The following RNF212 variants were observed in gnomAD, a reference collection of about 807,000 sequenced individuals.
RNF212 encodes the protein ring finger protein 212.
RNF212 carries 33 observed loss-of-function variants against 34.7 expected under a neutral mutation model. The ratio of observed to expected loss-of-function variants is 0.95; its 90% CI spans 0.72 to 1.27. The LOEUF is 1.27. Among genes scored for constraint, RNF212 ranks in the 50% most tolerant of loss-of-function variants. RNF212 has a pLI of 0.00. For synonymous variants in RNF212, 140 were observed against 136.1 expected (o/e 1.03, Z -0.20); for missense variants, 377 against 362.2 (o/e 1.04, Z -0.33).
At chr4:1,059,599 T>C (rs997399506) in intron 3 of RNF212, among the ~76,000 whole-genome samples, 1 of 152,200 alleles carries the variant, frequency 6.6e-6, no homozygotes, top group African/African-American at 2.4e-5. Flanking sequence ...ACCAAGGTGC[T>C]AGGTCTCCCC....
In RNF212 at chr4:1,081,627, G is replaced by A. The variant is rs140555209; in HGVS notation, c.363-8C>T. 3.6e-5 allele frequency: 58 copies of A among 1,595,836 alleles called. 1 individual carries two copies. The East Asian group carries it at 1.3e-3, about 36-fold the overall frequency. On this transcript the variant is annotated splice_polypyrimidine_tract_variant and splice_region_variant and intron_variant, in intron 5 of 9. Coordinates refer to ENST00000433731, the MANE Select transcript of RNF212 (RefSeq NM_001131034.4). ...TGTTGTGATGATCTCATACTAAATA[G>A]ATGGAGAAAAGGTATTGAATTAAAT... is the stretch of plus-strand genomic sequence containing the variant.
At chr4:1,103,933 C>T (rs1436496045) in intron 2 of RNF212, among the ~76,000 whole-genome samples, 4 of 152,196 alleles carry the variant, frequency 2.6e-5, no homozygotes, top group East Asian at 3.8e-4. Context: ...AGATCTAAAG[C>T]GTCCTTATTC....
At chr4:1,093,176 C>T (rs1283731529) in intron 3 of RNF212, 3 of 235,784 alleles carry the variant, frequency 1.3e-5, no homozygotes, top group Non-Finnish European at 2.4e-5. Context: ...GGTCCTGAGG[C>T]CTGAGCCTTG....
intron 3 of RNF212, chr4:1,094,112 A>T: frequency 2.9e-6 from 4 of 1,386,252 alleles, no homozygotes; most frequent in Non-Finnish European, 3.8e-6. Flanking sequence ...CAAGCCCATG[A>T]AGGAGAGTGC....
At chr4:1,056,830 G>T in intron 4 of RNF212, 1 of 987,484 alleles carries the variant, frequency 1.0e-6, no homozygotes, top group Non-Finnish European at 1.2e-6. Flanking sequence ...GGCTGGCTGA[G>T]CACTTGCCTA....
chr4:1,094,859 C>G (rs976795012), intron 3 of RNF212, among the ~76,000 whole-genome samples: 1 of 152,166 alleles, frequency 6.6e-6, no homozygotes, highest in East Asian at 1.9e-4. Context: ...ACTGAGACCA[C>G]TTTGTCTCAA....
chr4:1,090,918 TG>T, intron 3 of RNF212, 80 bp from the exon 4 acceptor site: 1 of 880,858 alleles, frequency 1.1e-6, no homozygotes. Flanking sequence ...AGGAGGAGGC[TG>T]GAGGGACTCT....
At chr4:1,084,726 C>CAAAAA (rs34470931) in intron 5 of RNF212, among the ~76,000 whole-genome samples, 1 of 60,452 alleles carries the variant, frequency 1.7e-5, no homozygotes, top group Non-Finnish European at 3.0e-5. Context: ...GACCCTGTCT[C>CAAAAA]AAAAAAAAAA....
intron 5 of RNF212, among the ~76,000 whole-genome samples, chr4:1,083,730 A>G (rs1032876946): frequency 6.6e-6 from 1 of 152,208 alleles, no homozygotes; most frequent in Admixed American, 6.5e-5. Context: ...GAAGCAACCC[A>G]GCATGTGACC....
chr4:1,101,299 ATTGTT>A (rs1198593921), intron 2 of RNF212: 6 of 329,580 alleles, frequency 1.8e-5, no homozygotes, highest in African/African-American at 8.7e-5. Flanking sequence ...CCATAATTGT[ATTGTT>A]TTATTATTGG....
At chr4:1,097,995 G>A (rs1035520882) in intron 2 of RNF212, among the ~76,000 whole-genome samples, 1 of 152,026 alleles carries the variant, frequency 6.6e-6, no homozygotes, top group African/African-American at 2.4e-5. Flanking sequence ...AACCCGGGAG[G>A]TGGAGGTTGC....
At chr4:1,064,413 C>T (rs557272328) in intron 3 of RNF212, among the ~76,000 whole-genome samples, 31 of 152,248 alleles carry the variant, frequency 2.0e-4, no homozygotes, top group Non-Finnish European at 2.1e-4. Context: ...AGAACTAAAA[C>T]GTGTATTAGT....
At chr4:1,078,265 C>T (rs1310582056) in intron 8 of RNF212, among the ~76,000 whole-genome samples, 1 of 152,220 alleles carries the variant, frequency 6.6e-6, no homozygotes, top group Non-Finnish European at 1.5e-5. Flanking sequence ...GTTTTCCTGC[C>T]TTTGCTCCTC....
Position 1,113,521 on chromosome 4 carries a change from G to C in RNF212, c.-57C>G. ...GCCCACGCGAAGCCCACGCAAGGTT[G>C]GGACCAGCCTCCCCGCGCAGGGCCC... is the stretch of plus-strand genomic sequence containing the variant. On this transcript the variant is annotated 5_prime_UTR_variant, in exon 1 of 10. Transcript: ENST00000433731. 2 of 1,444,482 alleles carry C rather than the reference G, an allele frequency of 1.4e-6. No individual in the cohort carries two copies. Among genetic ancestry groups the C allele is most frequent in the South Asian group, 1.2e-5 (1 of 83,586 alleles). The allele number at this position is 1,444,482 out of a possible 1,614,324, so 89.5% of individuals were successfully genotyped here.
chr4:1,085,452 C>T (rs749926314), intron 5 of RNF212, among the ~76,000 whole-genome samples: 14 of 152,246 alleles, frequency 9.2e-5, no homozygotes, highest in Non-Finnish European at 1.8e-4. Context: ...CACCCATTCA[C>T]AGCAGTGCCT....
At chr4:1,073,506 A>G in intron 9 of RNF212, 93 bp downstream of exon 9, 1 of 980,490 alleles carries the variant, frequency 1.0e-6, no homozygotes. Flanking sequence ...CCCCTTGGGT[A>G]GGTTCTGACA....
At chr4:1,076,314 G>A (rs1719290567) in intron 8 of RNF212, among the ~76,000 whole-genome samples, 1 of 152,192 alleles carries the variant, frequency 6.6e-6, no homozygotes, top group African/African-American at 2.4e-5. Context: ...ATCCCCTCTG[G>A]GCGGGCCCAG....
intron 3 of RNF212, among the ~76,000 whole-genome samples, chr4:1,065,112 C>T (rs186763482): frequency 6.6e-6 from 1 of 152,326 alleles, no homozygotes; most frequent in Admixed American, 6.5e-5. Context: ...GGTATACAAG[C>T]ATCTCTTAGA....
chr4:1,092,554 T>C (rs1292089748), intron 3 of RNF212, among the ~76,000 whole-genome samples: 1 of 152,204 alleles, frequency 6.6e-6, no homozygotes, highest in African/African-American at 2.4e-5. Flanking sequence ...CTTGAGACAC[T>C]GGGTGTGGCC....
Sources: gnomAD v4.1 joint callset for allele counts (sites outside exome capture counted in the v4.1 genomes callset) on GRCh38, gnomAD v4.1.1 for gene constraint, MANE v1.5 for transcripts, NCBI Gene and HGNC (gene_info 2026-07-23, HGNC 2026-07-21) for gene names.